PLCH1: variants seen among roughly 807,000 people sequenced by gnomAD.
PLCH1 encodes the protein 1-phosphatidylinositol 4,5-bisphosphate phosphodiesterase eta-1.
PLCH1 carries 60 observed loss-of-function variants against 126.7 expected under a neutral mutation model. The ratio of observed to expected loss-of-function variants is 0.47; its 90% CI spans 0.38 to 0.59. The LOEUF is 0.59. Ranked by LOEUF, PLCH1 falls within the 20% of genes least tolerant of loss-of-function variation. PLCH1 has a pLI of 0.00. For synonymous variants in PLCH1, 719 were observed against 734.9 expected (o/e 0.98, Z 0.35); for missense variants, 1,723 against 2,040.0 (o/e 0.84, Z 2.99).
intron 1 of PLCH1, among the ~76,000 whole-genome samples, chr3:155,730,705 G>A (rs546389296): frequency 1.3e-5 from 2 of 152,300 alleles, no homozygotes; most frequent in East Asian, 3.9e-4. Flanking sequence ...CTTCACAAGA[G>A]CTAAGGAAAC....
intron 21 of PLCH1, among the ~76,000 whole-genome samples, chr3:155,471,864 G>A (rs1272968125): frequency 2.6e-5 from 4 of 152,074 alleles, no homozygotes; most frequent in African/African-American, 9.7e-5. Context: ...AAATAAAGAT[G>A]TTCTTTGAAA....
intron 2 of PLCH1, among the ~76,000 whole-genome samples, chr3:155,691,437 T>C (rs939815417): frequency 5.3e-5 from 8 of 152,196 alleles, no homozygotes; most frequent in Admixed American, 5.2e-4. Context: ...TAAGATCCTA[T>C]ATGCAAAGCC....
intron 4 of PLCH1, 29 bp from the exon 5 acceptor site, chr3:155,586,223 G>C (rs746578304): frequency 5.6e-6 from 9 of 1,608,414 alleles, no homozygotes; most frequent in African/African-American, 1.3e-5. Context: ...AAACACCTGT[G>C]CTCTCATCAA....
At position 155,681,561 on chromosome 3, in the gene PLCH1, T is replaced by G. The variant is rs192253239; in HGVS notation, c.79+22585A>C. ...TAATACGGAGATCTTGAGTCACTTATTGCCTTCAGTCTCTCTTTTTTTATC... is the reference window on the plus strand; with the variant it reads ...TAATACGGAGATCTTGAGTCACTTAGTGCCTTCAGTCTCTCTTTTTTTATC... On this transcript the variant is annotated intron_variant, in intron 2 of 22. Transcript: ENST00000460012. 1.5e-3 allele frequency among the ~76,000 whole-genome samples: 225 copies of G among 152,316 alleles called. 1 individual carries two copies. Among genetic ancestry groups the G allele is most frequent in the African/African-American group, 5.2e-3 (217 of 41,570 alleles).
chr3:155,588,425 C>T (rs1014394533), intron 4 of PLCH1, among the ~76,000 whole-genome samples: 1 of 152,176 alleles, frequency 6.6e-6, no homozygotes, highest in African/African-American at 2.4e-5. Flanking sequence ...GCACCCACTT[C>T]GGGCTTTCAA....
At chr3:155,649,357 T>G (rs183793546) in intron 2 of PLCH1, among the ~76,000 whole-genome samples, 21 of 152,276 alleles carry the variant, frequency 1.4e-4, no homozygotes, top group African/African-American at 5.1e-4. Flanking sequence ...AATAATAACC[T>G]GATCACGAAA....
At chr3:155,484,388 G>A (rs1441977141) in intron 22 of PLCH1, among the ~76,000 whole-genome samples, 2 of 152,114 alleles carry the variant, frequency 1.3e-5, no homozygotes, top group African/African-American at 4.8e-5. Flanking sequence ...GCTTTTAAAT[G>A]TTCTTTTTCT....
chr3:155,462,661 C>A (rs1446580608), intron 21 of PLCH1, among the ~76,000 whole-genome samples: 2 of 152,300 alleles, frequency 1.3e-5, no homozygotes, highest in South Asian at 4.1e-4. Flanking sequence ...ATGTATCACA[C>A]CAGCTCCTCT....
intron 2 of PLCH1, among the ~76,000 whole-genome samples, chr3:155,614,052 C>T (rs573619524): frequency 1.3e-5 from 2 of 152,144 alleles, no homozygotes; most frequent in South Asian, 4.2e-4. Context: ...TTTACAATAG[C>T]TGAAAATAAA....
chr3:155,537,429 T>C (rs376807440), intron 10 of PLCH1, among the ~76,000 whole-genome samples: 3 of 152,148 alleles, frequency 2.0e-5, no homozygotes, highest in South Asian at 4.1e-4. Flanking sequence ...ATGGTCTAAA[T>C]GCTCCACTTA....
chr3:155,541,498 G>A (rs1464898590), intron 10 of PLCH1, among the ~76,000 whole-genome samples: 1 of 152,104 alleles, frequency 6.6e-6, no homozygotes, highest in Non-Finnish European at 1.5e-5. Context: ...TATGTCTTAG[G>A]AAACAGGGAG....
At chr3:155,634,289 A>G (rs769498122) in intron 2 of PLCH1, among the ~76,000 whole-genome samples, 3 of 152,212 alleles carry the variant, frequency 2.0e-5, no homozygotes, top group African/African-American at 4.8e-5. Context: ...GCTCTGTTAC[A>G]CCTGTGCCCT....
rs918875028 is a variant in PLCH1 at position 155,740,284 on chromosome 3, G to T, written c.-41+4556C>A. On this transcript the variant is annotated intron_variant, in intron 1 of 22. Transcript: ENST00000460012. The stretch of plus-strand genomic sequence containing the variant: ...AAATTAGCCGGGCATGATGGCGGGC[G>T]CCTGTAATCCCAGTTACTCAGGAGG... Among the ~76,000 whole-genome samples, 3 of 151,950 alleles carry T rather than the reference G, an allele frequency of 2.0e-5. No homozygotes were observed. In the South Asian group the frequency reaches 6.2e-4, roughly 32 times the overall value.
intron 5 of PLCH1, 116 bp downstream of exon 5, chr3:155,585,949 C>T: frequency 1.5e-6 from 1 of 685,382 alleles, no homozygotes; most frequent in Non-Finnish European, 2.4e-6. Flanking sequence ...AAAAATAAAA[C>T]AGTACAGAGC....
At chr3:155,589,916 T>C (rs1731883167) in intron 4 of PLCH1, among the ~76,000 whole-genome samples, 1 of 152,190 alleles carries the variant, frequency 6.6e-6, no homozygotes, top group Non-Finnish European at 1.5e-5. Context: ...CATCACCATG[T>C]TGCAGATAAA....
At chr3:155,598,485 T>TC (rs1733283410) in intron 2 of PLCH1, among the ~76,000 whole-genome samples, 1 of 152,206 alleles carries the variant, frequency 6.6e-6, no homozygotes, top group South Asian at 2.1e-4. Flanking sequence ...AACAGATGTT[T>TC]ATAGACAAAC....
intron 21 of PLCH1, among the ~76,000 whole-genome samples, chr3:155,453,509 A>C (rs914036603): frequency 2.6e-5 from 4 of 152,174 alleles, no homozygotes; most frequent in African/African-American, 7.2e-5. Flanking sequence ...CAAAAATGAA[A>C]AAATAAATTC....
Position 155,513,217 on chromosome 3 carries a change from C to T in PLCH1, c.1632+1506G>A, listed in dbSNP as rs148413077. On this transcript the variant is annotated intron_variant, in intron 12 of 22. Coordinates refer to ENST00000460012, the MANE Select transcript of PLCH1 (RefSeq NM_014996.4). ...TCGTCTCAACAGTAACTTGCCTTTGCTTGCCCAGTGAACCAAAACCATATT... is the reference window on the plus strand; with the variant it reads ...TCGTCTCAACAGTAACTTGCCTTTGTTTGCCCAGTGAACCAAAACCATATT... 2.8e-3 allele frequency among the ~76,000 whole-genome samples: 420 copies of T among 152,316 alleles called. 1 individual carries two copies. Among genetic ancestry groups the T allele is most frequent in the South Asian group, 0.015 (72 of 4,828 alleles).
intron 6 of PLCH1, among the ~76,000 whole-genome samples, chr3:155,580,628 A>T (rs1161536747): frequency 2.0e-5 from 3 of 152,196 alleles, no homozygotes; most frequent in African/African-American, 7.2e-5. Flanking sequence ...AATTTAATTC[A>T]AATTAGCACT....
Sources: gnomAD v4.1 joint callset for allele counts (sites outside exome capture counted in the v4.1 genomes callset) on GRCh38, gnomAD v4.1.1 for gene constraint, MANE v1.5 for transcripts, NCBI Gene and HGNC (gene_info 2026-07-23, HGNC 2026-07-21) for gene names.